FRS2: variants seen among roughly 807,000 people sequenced by gnomAD.
FRS2 encodes the protein FGFR signalling adaptor.
FRS2 carries 8 observed loss-of-function variants against 43.9 expected under a neutral mutation model. That is an observed-to-expected ratio of 0.18 (90% CI 0.11 to 0.33). The LOEUF (loss-of-function observed/expected upper bound fraction) is 0.33. Among genes scored for constraint, FRS2 ranks in the 10% least tolerant of loss-of-function variants. The pLI is 1.00. For missense variants in FRS2, 534 were observed against 627.6 expected (o/e 0.85, Z 1.59); for synonymous variants, 219 against 220.3 (o/e 0.99, Z 0.05).
Position 69,575,518 on chromosome 12 carries a change from T to G in FRS2, c.*563T>G, listed in dbSNP as rs1298305083. ...CACCAGTCAGCTCCTTTGCCTTCAG[T>G]GTTACTAGAAAGCGGCCTGTGTCCA... On this transcript the variant is annotated 3_prime_UTR_variant, in exon 9 of 9. Transcript: ENST00000549921. 1 of 152,800 alleles carries G rather than the reference T, an allele frequency of 6.5e-6. No individual in the cohort carries two copies. The highest frequency in any genetic ancestry group is 2.4e-5 in the African/African-American group (1 of 41,450). 9.5% of individuals were successfully genotyped at this position (152,800 alleles called of 1,614,324 possible). A position where few individuals can be genotyped will look rare whatever the true frequency, so the allele number is the denominator to read the frequency against.
intron 3 of FRS2, among the ~76,000 whole-genome samples, chr12:69,548,014 G>A (rs1269097072): frequency 2.0e-5 from 3 of 151,274 alleles, no homozygotes; most frequent in Non-Finnish European, 4.4e-5. Flanking sequence ...ATCTGGCTAA[G>A]TTTTTTTTAT....
intron 1 of FRS2, among the ~76,000 whole-genome samples, chr12:69,492,515 T>C (rs559915027): frequency 6.6e-6 from 1 of 152,186 alleles, no homozygotes; most frequent in Non-Finnish European, 1.5e-5. Flanking sequence ...AAAGAAGATT[T>C]CTAGGGATAA....
intron 1 of FRS2, among the ~76,000 whole-genome samples, chr12:69,470,744 G>C (rs1199251772): frequency 6.6e-6 from 1 of 152,186 alleles, no homozygotes; most frequent in Non-Finnish European, 1.5e-5. Context: ...GCCAGGGAGG[G>C]GGTTCCCAGA....
chr12:69,484,095 C>CTTTTTTTTTT (rs368221087), intron 1 of FRS2, among the ~76,000 whole-genome samples: 1 of 149,264 alleles, frequency 6.7e-6, no homozygotes, highest in Admixed American at 6.7e-5. Flanking sequence ...GCTTTTCTTT[C>CTTTTTTTTTT]TTTTTTTTTG....
At position 69,579,061 on chromosome 12, in the gene FRS2, T is replaced by TTATTTTAAAATAAAAC. The variant is rs1436666086; in HGVS notation, c.*4107_*4108insATTTTAAAATAAAACT. The TTATTTTAAAATAAAAC allele has an allele frequency of 1.3e-5, 2 of 152,676 alleles. No homozygotes were observed. The highest frequency in any genetic ancestry group is 2.9e-5 in the Non-Finnish European group (2 of 68,046). 9.5% of individuals were successfully genotyped at this position (152,676 alleles called of 1,614,324 possible). A position where few individuals can be genotyped will look rare whatever the true frequency, so the allele number is the denominator to read the frequency against. On this transcript the variant is annotated 3_prime_UTR_variant, in exon 9 of 9. Coordinates refer to ENST00000549921, the MANE Select transcript of FRS2 (RefSeq NM_001278356.2). ...CACTGTTAATTAAAATAAAACCTTG[T>TTATTTTAAAATAAAAC]TGTATATGTAACAACATAATTTTCC...
At chr12:69,482,191 G>A (rs1190628024) in intron 1 of FRS2, among the ~76,000 whole-genome samples, 1 of 152,190 alleles carries the variant, frequency 6.6e-6, no homozygotes, top group Non-Finnish European at 1.5e-5. Context: ...AGATCAAGAA[G>A]TCAATAGAGT....
chr12:69,514,569 A>G (rs1243058258), intron 1 of FRS2, among the ~76,000 whole-genome samples: 2 of 152,340 alleles, frequency 1.3e-5, no homozygotes, highest in Middle Eastern at 3.4e-3. Flanking sequence ...GCAGTGGCTC[A>G]TGCCTTTAAT....
intron 1 of FRS2, among the ~76,000 whole-genome samples, chr12:69,477,793 T>C (rs1870962315): frequency 1.3e-5 from 2 of 150,974 alleles, no homozygotes; most frequent in Non-Finnish European, 2.9e-5. Flanking sequence ...CAGGCTGGAG[T>C]GCAGTGGCAT....
intron 1 of FRS2, among the ~76,000 whole-genome samples, chr12:69,528,416 C>T (rs1456347843): frequency 6.6e-6 from 1 of 152,244 alleles, no homozygotes; most frequent in Non-Finnish European, 1.5e-5. Flanking sequence ...ACAGAAATCC[C>T]TAACAAAGTG....
chr12:69,559,647 A>G (rs1879715509), intron 3 of FRS2, among the ~76,000 whole-genome samples: 1 of 152,190 alleles, frequency 6.6e-6, no homozygotes, highest in African/African-American at 2.4e-5. Flanking sequence ...CAACTAGCAG[A>G]CTGTACTGAG....
At chr12:69,512,022 C>T (rs1360260795) in intron 1 of FRS2, among the ~76,000 whole-genome samples, 1 of 152,162 alleles carries the variant, frequency 6.6e-6, no homozygotes, top group Non-Finnish European at 1.5e-5. Flanking sequence ...GTTTCTGAAG[C>T]CTTTGCCAGA....
At chr12:69,476,311 TA>T (rs1283735078) in intron 1 of FRS2, among the ~76,000 whole-genome samples, 1 of 152,224 alleles carries the variant, frequency 6.6e-6, no homozygotes, top group Non-Finnish European at 1.5e-5. Context: ...CAAGTAGCTC[TA>T]AATTACTTGT....
At chr12:69,570,955 A>T (rs985604938) in intron 6 of FRS2, among the ~76,000 whole-genome samples, 3 of 152,216 alleles carry the variant, frequency 2.0e-5, no homozygotes, top group Admixed American at 6.5e-5. Context: ...GGCCTGTTAC[A>T]TGGCAAATGA....
At chr12:69,568,959 T>C in intron 4 of FRS2, 46 bp from the exon 5 acceptor site, 2 of 908,198 alleles carry the variant, frequency 2.2e-6, no homozygotes, top group Non-Finnish European at 3.5e-6. Flanking sequence ...TTTACAGTTT[T>C]TGTATCCTTC....
chr12:69,477,784 AGGCT>A (rs1197288206), intron 1 of FRS2, among the ~76,000 whole-genome samples: 1 of 150,166 alleles, frequency 6.7e-6, no homozygotes, highest in Non-Finnish European at 1.5e-5. Flanking sequence ...TCTGTTGCCC[AGGCT>A]GGAGTGCAGT....
At chr12:69,545,769 AAAAAAAAAAC>A (rs1878334709) in intron 3 of FRS2, among the ~76,000 whole-genome samples, 2 of 150,950 alleles carry the variant, frequency 1.3e-5, no homozygotes, top group African/African-American at 2.4e-5. Flanking sequence ...AAAAAAAAAA[AAAAAAAAAAC>A]AAAAACAAAA....
At position 69,579,780 on chromosome 12, in the gene FRS2, A is replaced by G. The variant is rs1399494434; in HGVS notation, c.*4825A>G. ...AAACCCCAATAAAACGTTTGGTCGG[A>G]TATCTACTTAAAAGTTTTATTGTAT... is the stretch of plus-strand genomic sequence containing the variant. On this transcript the variant is annotated 3_prime_UTR_variant, in exon 9 of 9. Transcript: ENST00000549921. 6.6e-6 allele frequency: 1 copy of G among 152,232 alleles called. No individual in the cohort carries two copies. Among genetic ancestry groups the G allele is most frequent in the Non-Finnish European group, 1.5e-5 (1 of 68,040 alleles). 9.4% of individuals were successfully genotyped at this position (152,232 alleles called of 1,614,324 possible). A position where few individuals can be genotyped will look rare whatever the true frequency, so the allele number is the denominator to read the frequency against.
chr12:69,497,726 A>C (rs1009562638), intron 1 of FRS2, among the ~76,000 whole-genome samples: 1 of 152,244 alleles, frequency 6.6e-6, no homozygotes, highest in African/African-American at 2.4e-5. Context: ...ACATTTCAAG[A>C]GAGGGAAAAG....
At chr12:69,538,437 A>G (rs1475193186) in intron 3 of FRS2, among the ~76,000 whole-genome samples, 1 of 151,880 alleles carries the variant, frequency 6.6e-6, no homozygotes, top group Non-Finnish European at 1.5e-5. Flanking sequence ...CCCTGGCCTT[A>G]AGTTTGGTAA....
Sources: gnomAD v4.1 joint callset for allele counts (sites outside exome capture counted in the v4.1 genomes callset) on GRCh38, gnomAD v4.1.1 for gene constraint, MANE v1.5 for transcripts, NCBI Gene and HGNC (gene_info 2026-07-23, HGNC 2026-07-21) for gene names.